Variants in ACCSL observed in about 807,000 individuals in gnomAD.
ACCSL encodes the protein probable inactive 1-aminocyclopropane-1-carboxylate synthase-like protein 2.
ACCSL carries 55 observed loss-of-function variants against 61.7 expected under a neutral mutation model. The observed-to-expected ratio is 0.89, with a 90% CI of 0.72 to 1.12. The LOEUF (loss-of-function observed/expected upper bound fraction) is 1.12. Ranked by LOEUF, ACCSL falls within the 50% of genes most tolerant of loss-of-function variation. The pLI is 0.00. For missense variants in ACCSL, 632 were observed against 698.0 expected (o/e 0.91, Z 1.07); for synonymous variants, 258 against 264.3 (o/e 0.98, Z 0.23).
the ACCSL span, among the ~76,000 whole-genome samples, chr11:44,021,089 CAT>C: frequency 2.6e-5 from 4 of 152,070 alleles, no homozygotes; most frequent in African/African-American, 4.8e-5. Flanking sequence ...CTGCTATAAA[CAT>C]GTGTGTGCAA....
the ACCSL span, among the ~76,000 whole-genome samples, chr11:44,040,974 G>A: frequency 6.6e-6 from 1 of 152,184 alleles, no homozygotes. Context: ...GTGATTCATT[G>A]AGCCTCTGTT....
At chr11:44,032,434 C>T in the ACCSL span, among the ~76,000 whole-genome samples, 3 of 152,170 alleles carry the variant, frequency 2.0e-5, no homozygotes, top group Non-Finnish European at 4.4e-5. Flanking sequence ...TACCAGAAGG[C>T]ATTATTCACT....
the ACCSL span, among the ~76,000 whole-genome samples, chr11:43,954,925 G>A: frequency 6.6e-6 from 1 of 152,162 alleles, no homozygotes. Flanking sequence ...GAAAAGGAAA[G>A]AGGGAGCCTC....
chr11:43,967,167 C>CTTTT, the ACCSL span, among the ~76,000 whole-genome samples: 362 of 62,696 alleles, frequency 5.8e-3, 84 homozygotes, highest in African/African-American at 0.018. Context: ...TCTTCTTCTT[C>CTTTT]TTTTTTTTTT....
At chr11:44,019,074 G>T in the ACCSL span, among the ~76,000 whole-genome samples, 3 of 152,102 alleles carry the variant, frequency 2.0e-5, no homozygotes, top group Non-Finnish European at 4.4e-5. Flanking sequence ...TTTGTGGCTG[G>T]TTTTTCTCAC....
the ACCSL span, among the ~76,000 whole-genome samples, chr11:43,924,534 T>TGGAGGCC: frequency 3.6e-3 from 543 of 152,336 alleles, 1 homozygote; most frequent in Admixed American, 7.5e-3. Flanking sequence ...GACAGGGACC[T>TGGAGGCC]GGAGGCCGGA....
chr11:43,982,092 C>A, the ACCSL span, among the ~76,000 whole-genome samples: 2 of 152,064 alleles, frequency 1.3e-5, no homozygotes, highest in East Asian at 1.9e-4. Flanking sequence ...AGAGCCCAAG[C>A]CTCACCCAGG....
chr11:44,037,708 T>C, the ACCSL span, among the ~76,000 whole-genome samples: 2 of 152,350 alleles, frequency 1.3e-5, no homozygotes, highest in African/African-American at 4.8e-5. Flanking sequence ...GATTTCTTCA[T>C]TCTTGTCTTC....
the ACCSL span, among the ~76,000 whole-genome samples, chr11:44,024,464 TG>T: frequency 6.6e-6 from 1 of 151,856 alleles, no homozygotes; most frequent in Non-Finnish European, 1.5e-5. Flanking sequence ...TGTGTGTGTG[TG>T]TGTGTGTGTG....
At chr11:44,053,656 G>C in intron 8 of ACCSL, 150 bp downstream of exon 8, 2 of 670,360 alleles carry the variant, frequency 3.0e-6, no homozygotes, top group South Asian at 3.8e-5. Flanking sequence ...GAGGTCAGGA[G>C]TTCGAGACCA....
chr11:44,048,209 G>T lies in ACCSL; in HGVS notation c.173G>T (p.Arg58Met). Residue 58 changes from arginine (R) to methionine (M), a missense_variant, in exon 1 of 14, where the codon AGG becomes ATG. Transcript: ENST00000378832. ...AGACAGGGCCTGTCGCTGGAGGAAAGGAGGCACACTGAGGCCATCTGTGAG... is the reference window on the plus strand; with the variant it reads ...AGACAGGGCCTGTCGCTGGAGGAAATGAGGCACACTGAGGCCATCTGTGAG... ...TSRQGLSLEE[R>M]RHTEAICEHE... 6.2e-7 allele frequency: 1 copy of T among 1,614,178 alleles called. No individual in the cohort carries two copies. Among genetic ancestry groups the T allele is most frequent in the Non-Finnish European group, 8.5e-7 (1 of 1,180,046 alleles).
At chr11:44,058,179 T>C in intron 11 of ACCSL, 138 bp from the exon 12 acceptor site, 1 of 1,142,678 alleles carries the variant, frequency 8.8e-7, no homozygotes, top group Non-Finnish European at 1.2e-6. Context: ...GTTTTTTTGT[T>C]TTTTTTAAAA....
chr11:44,017,320 A>G, the ACCSL span, among the ~76,000 whole-genome samples: 1 of 152,178 alleles, frequency 6.6e-6, no homozygotes, highest in Non-Finnish European at 1.5e-5. Context: ...GGGCTCACAC[A>G]TACAGCTGTG....
upstream of ACCSL, among the ~76,000 whole-genome samples, chr11:44,045,354 C>T (rs182626477): frequency 3.7e-4 from 57 of 152,122 alleles, no homozygotes; most frequent in Admixed American, 1.1e-3. Flanking sequence ...GTGGAAGGAA[C>T]GCTGGAGCCC....
chr11:44,001,033 T>C, the ACCSL span: 2 of 152,178 alleles, frequency 1.3e-5, no homozygotes, highest in African/African-American at 4.8e-5. Flanking sequence ...TTAAGCTGCC[T>C]CCTCGATAGA....
the ACCSL span, among the ~76,000 whole-genome samples, chr11:43,941,255 C>T: frequency 1.3e-5 from 2 of 152,196 alleles, no homozygotes; most frequent in Non-Finnish European, 2.9e-5. Flanking sequence ...CTTTATTTCA[C>T]CACAAAACAT....
chr11:44,001,037 C>T, the ACCSL span: 3 of 152,080 alleles, frequency 2.0e-5, no homozygotes, highest in Admixed American at 6.6e-5. Context: ...GCTGCCTCCT[C>T]GATAGATGAT....
the ACCSL span, among the ~76,000 whole-genome samples, chr11:44,017,023 G>A: frequency 6.6e-6 from 1 of 152,182 alleles, no homozygotes. Flanking sequence ...AGCCCTGTCA[G>A]GTGAGGTGGG....
At chr11:44,042,215 T>G in the ACCSL span, among the ~76,000 whole-genome samples, 1 of 152,178 alleles carries the variant, frequency 6.6e-6, no homozygotes, top group Non-Finnish European at 1.5e-5. Flanking sequence ...TAAAACAATT[T>G]AAATAGCATT....
Sources: gnomAD v4.1 joint callset for allele counts (sites outside exome capture counted in the v4.1 genomes callset) on GRCh38, gnomAD v4.1.1 for gene constraint, MANE v1.5 for transcripts, NCBI Gene and HGNC (gene_info 2026-07-23, HGNC 2026-07-21) for gene names.